The following FAM53B variants were observed in gnomAD, a reference collection of about 807,000 sequenced individuals.
FAM53B encodes protein FAM53B.
A neutral mutation model predicts 32.7 loss-of-function variants in FAM53B; 12 were observed. The ratio of observed to expected loss-of-function variants is 0.37; its 90% CI spans 0.24 to 0.59. The LOEUF is 0.59. Ranked by LOEUF, FAM53B falls within the 20% of genes least tolerant of loss-of-function variation. The pLI is 0.72. For missense variants in FAM53B, 477 were observed against 577.7 expected (o/e 0.83, Z 1.79); for synonymous variants, 234 against 228.7 (o/e 1.02, Z -0.21).
At chr10:124,674,584 G>T (rs573087886) in intron 4 of FAM53B, among the ~76,000 whole-genome samples, 1 of 152,164 alleles carries the variant, frequency 6.6e-6, no homozygotes, top group Non-Finnish European at 1.5e-5. Context: ...CTCAGCCCAC[G>T]CTCCCTGCTT....
intron 3 of FAM53B, among the ~76,000 whole-genome samples, chr10:124,693,106 C>G (rs931635273): frequency 1.3e-5 from 2 of 152,256 alleles, no homozygotes; most frequent in East Asian, 3.9e-4. Context: ...CAGCATTGTC[C>G]AGCGCTGGAA....
intron 1 of FAM53B, among the ~76,000 whole-genome samples, chr10:124,739,457 A>G (rs900695826): frequency 6.6e-6 from 1 of 152,236 alleles, no homozygotes; most frequent in African/African-American, 2.4e-5. Flanking sequence ...CTTGGGAATC[A>G]TATTATACTA....
At position 124,620,127 on chromosome 10, in the gene FAM53B, A is replaced by AAAGT. The variant is rs1949297283; in HGVS notation, c.*3111_*3114dup. ...AAACTGGCTACAAAAATTTGGTTGA[A>AAAGT]AAGTAAGGCTTTCTGAGAATGAAAA... On this transcript the variant is annotated 3_prime_UTR_variant, in exon 5 of 5. Coordinates refer to ENST00000337318, the MANE Select transcript of FAM53B (RefSeq NM_014661.4). The AAAGT allele has an allele frequency of 6.6e-6, 1 of 152,620 alleles. No homozygotes were observed. The highest frequency in any genetic ancestry group is 2.1e-4 in the South Asian group (1 of 4,838). 9.5% of individuals were successfully genotyped at this position (152,620 alleles called of 1,614,324 possible).
At position 124,668,411 on chromosome 10, in the gene FAM53B, G is replaced by A. The variant is rs375784868; in HGVS notation, c.906+13196C>T. ...ATTCTCAGAAAATTCTGTTGCCCAA[G>A]ACTGTTCTAGATTACAGTGAGATGG... On this transcript the variant is annotated intron_variant, in intron 4 of 4. Coordinates refer to ENST00000337318, the MANE Select transcript of FAM53B (RefSeq NM_014661.4). Among the ~76,000 whole-genome samples, 22 of 152,256 alleles carry A rather than the reference G, an allele frequency of 1.4e-4. 1 individual carries two copies. The highest frequency in any genetic ancestry group is 1.2e-3 in the Admixed American group (18 of 15,282).
chr10:124,650,580 C>T (rs1383903624), intron 4 of FAM53B, among the ~76,000 whole-genome samples: 3 of 152,216 alleles, frequency 2.0e-5, no homozygotes, highest in Admixed American at 6.5e-5. Flanking sequence ...CTCCACTTTA[C>T]AAATGAGGAC....
chr10:124,653,806 T>A (rs898950096), intron 4 of FAM53B, among the ~76,000 whole-genome samples: 5 of 152,140 alleles, frequency 3.3e-5, no homozygotes, highest in Admixed American at 6.5e-5. Flanking sequence ...GCTGGACAGA[T>A]GGGGGAGTCC....
chr10:124,629,435 G>A (rs1949376915), intron 4 of FAM53B, among the ~76,000 whole-genome samples: 1 of 152,170 alleles, frequency 6.6e-6, no homozygotes, highest in Non-Finnish European at 1.5e-5. Context: ...ATGGCGCTCT[G>A]TGTTAGAGGT....
intron 1 of FAM53B, among the ~76,000 whole-genome samples, chr10:124,736,214 C>T (rs571198965): frequency 5.4e-4 from 82 of 152,370 alleles, no homozygotes; most frequent in African/African-American, 1.9e-3. Flanking sequence ...AAATCAGAGG[C>T]CCAGTGAGGG....
rs73369310 is a variant in FAM53B, at chr10:124,704,710, C to A, written c.78+1926G>T. Among the ~76,000 whole-genome samples, 1,108 of 152,296 alleles carry A rather than the reference C, an allele frequency of 7.3e-3. 17 individuals are homozygous for A. The highest frequency in any genetic ancestry group is 0.025 in the African/African-American group (1,052 of 41,554). On this transcript the variant is annotated intron_variant, in intron 2 of 4. Transcript: ENST00000337318. ...GGACAAGAATATATGGGGCCATGTA[C>A]ATCCTAGTAAGGGCTGGGTGTTTGC...
At chr10:124,737,817 G>C (rs1950181140) in intron 1 of FAM53B, among the ~76,000 whole-genome samples, 1 of 152,114 alleles carries the variant, frequency 6.6e-6, no homozygotes, top group African/African-American at 2.4e-5. Context: ...GATATGCCCT[G>C]GAACCTAACT....
intron 1 of FAM53B, among the ~76,000 whole-genome samples, chr10:124,735,788 G>A (rs911575382): frequency 1.3e-5 from 2 of 151,822 alleles, no homozygotes; most frequent in Non-Finnish European, 2.9e-5. Flanking sequence ...CTGGCTGGGG[G>A]TGCTGTCAGC....
chr10:124,678,563 C>T (rs1564875451), intron 4 of FAM53B, among the ~76,000 whole-genome samples: 1 of 152,192 alleles, frequency 6.6e-6, no homozygotes, highest in Non-Finnish European at 1.5e-5. Context: ...AAGTGAACAC[C>T]ATGCCCAGAA....
chr10:124,726,106 A>T (rs1359451296), intron 1 of FAM53B, among the ~76,000 whole-genome samples: 1 of 152,204 alleles, frequency 6.6e-6, no homozygotes, highest in Non-Finnish European at 1.5e-5. Context: ...GTGTCTAGTA[A>T]GCCCTCCAGG....
intron 1 of FAM53B, among the ~76,000 whole-genome samples, chr10:124,715,143 A>G (rs1370955716): frequency 6.6e-6 from 1 of 152,238 alleles, no homozygotes; most frequent in African/African-American, 2.4e-5. Flanking sequence ...CAAAGCAGAC[A>G]CTAATTTTGC....
At chr10:124,656,889 T>A (rs1949592228) in intron 4 of FAM53B, among the ~76,000 whole-genome samples, 2 of 146,462 alleles carry the variant, frequency 1.4e-5, no homozygotes, top group Non-Finnish European at 3.0e-5. Context: ...GGGCCTGTTG[T>A]GGGGTGGGGG....
chr10:124,641,352 C>T (rs1293042599), intron 4 of FAM53B, among the ~76,000 whole-genome samples: 1 of 152,220 alleles, frequency 6.6e-6, no homozygotes, highest in Non-Finnish European at 1.5e-5. Context: ...ATAGTGAGAA[C>T]ACTACCCCAA....
At chr10:124,659,652 T>C (rs1949616488) in intron 4 of FAM53B, among the ~76,000 whole-genome samples, 1 of 152,204 alleles carries the variant, frequency 6.6e-6, no homozygotes, top group Admixed American at 6.5e-5. Flanking sequence ...CCCACCCTTA[T>C]TTTCACAGAG....
Position 124,658,863 on chromosome 10 carries a change from C to T in FAM53B, c.906+22744G>A, listed in dbSNP as rs1319012507. Reference sequence around the variant, plus strand: ...AGCCTGCTGGTCCTCAAACCCTGCTCCCTGTGCCCCCACTGAGGCTGCGCT... The same window carrying T: ...AGCCTGCTGGTCCTCAAACCCTGCTTCCTGTGCCCCCACTGAGGCTGCGCT... On this transcript the variant is annotated intron_variant, in intron 4 of 4. Transcript: ENST00000337318. Among the ~76,000 whole-genome samples the T allele has an allele frequency of 2.0e-5, 3 of 152,244 alleles. No homozygotes were observed. In the East Asian group the frequency reaches 5.8e-4, roughly 29 times the overall value.
chr10:124,721,876 C>T (rs1234359546), intron 1 of FAM53B, among the ~76,000 whole-genome samples: 2 of 152,170 alleles, frequency 1.3e-5, no homozygotes, highest in African/African-American at 4.8e-5. Flanking sequence ...GGGAAGTGGC[C>T]TAACCGCCTA....
Sources: gnomAD v4.1 joint callset for allele counts (sites outside exome capture counted in the v4.1 genomes callset) on GRCh38, gnomAD v4.1.1 for gene constraint, MANE v1.5 for transcripts, NCBI Gene and HGNC (gene_info 2026-07-23, HGNC 2026-07-21) for gene names.